Variants in KIAA1217 observed in about 807,000 individuals in gnomAD.
KIAA1217 encodes sickle tail protein homolog.
A neutral mutation model predicts 163.9 loss-of-function variants in KIAA1217; 88 were observed. The ratio of observed to expected loss-of-function variants is 0.54; its 90% CI spans 0.45 to 0.64. KIAA1217 has a LOEUF of 0.64. Ranked by LOEUF, KIAA1217 falls within the 30% of genes least tolerant of loss-of-function variation. The pLI is 0.00. For missense variants in KIAA1217, 2,372 were observed against 2,475.0 expected (o/e 0.96, Z 0.88); for synonymous variants, 903 against 923.1 (o/e 0.98, Z 0.39).
intron 5 of KIAA1217, among the ~76,000 whole-genome samples, chr10:24,440,604 A>AACC (rs1163687961): frequency 6.6e-6 from 1 of 152,210 alleles, no homozygotes; most frequent in Non-Finnish European, 1.5e-5. Flanking sequence ...GGATATGCAG[A>AACC]ACATGTGCTG....
intron 2 of KIAA1217, among the ~76,000 whole-genome samples, chr10:24,024,072 C>A (rs1589249129): frequency 6.6e-6 from 1 of 151,270 alleles, no homozygotes; most frequent in East Asian, 1.9e-4. Context: ...AAAAATCAAC[C>A]TCAATTTATT....
intron 1 of KIAA1217, among the ~76,000 whole-genome samples, chr10:23,934,591 GTA>G (rs1284125761): frequency 1.3e-3 from 36 of 27,980 alleles, no homozygotes; most frequent in African/African-American, 2.9e-3. Context: ...ATATATATAT[GTA>G]TATATATATA....
chr10:23,859,652 G>A (rs189310635), intron 1 of KIAA1217, among the ~76,000 whole-genome samples: 3 of 152,190 alleles, frequency 2.0e-5, no homozygotes, highest in East Asian at 1.9e-4. Flanking sequence ...TACGAACTTT[G>A]TTACTTTTGG....
At chr10:24,133,916 G>C (rs909684771) in intron 2 of KIAA1217, among the ~76,000 whole-genome samples, 1 of 152,200 alleles carries the variant, frequency 6.6e-6, no homozygotes, top group African/African-American at 2.4e-5. Flanking sequence ...GTTTTCATCA[G>C]AGGCAGGAGA....
At chr10:23,904,724 A>G (rs1564521586) in intron 1 of KIAA1217, among the ~76,000 whole-genome samples, 1 of 152,138 alleles carries the variant, frequency 6.6e-6, no homozygotes, top group Non-Finnish European at 1.5e-5. Context: ...CATAGGTACA[A>G]TCTTGTGGCC....
intron 6 of KIAA1217, among the ~76,000 whole-genome samples, chr10:24,486,899 C>T (rs1484729418): frequency 1.3e-5 from 2 of 152,056 alleles, no homozygotes; most frequent in African/African-American, 4.8e-5. Flanking sequence ...CTGTTTTGTT[C>T]ATGTCTATGT....
chr10:24,060,832 A>G (rs1413876728), intron 2 of KIAA1217, among the ~76,000 whole-genome samples: 1 of 152,174 alleles, frequency 6.6e-6, no homozygotes. Context: ...TTTAAAAAAA[A>G]CAAATATACT....
At position 23,868,493 on chromosome 10, in the gene KIAA1217, T is replaced by C. The variant is rs190450094; in HGVS notation, c.-320-138732T>C. Among the ~76,000 whole-genome samples, 4 of 152,260 alleles carry C rather than the reference T, an allele frequency of 2.6e-5. No homozygotes were observed. In the East Asian group the frequency reaches 5.8e-4, roughly 22 times the overall value. ...GCTCTTTGTATGGAGATGTTTTTTT[T>C]TGTCCATCTGTTACCAAATCATGAC... On this transcript the variant is annotated intron_variant, in intron 1 of 18. Coordinates refer to the KIAA1217 transcript ENST00000376462.
intron 2 of KIAA1217, among the ~76,000 whole-genome samples, chr10:24,131,846 C>T (rs373754510): frequency 2.6e-4 from 39 of 152,226 alleles, no homozygotes; most frequent in East Asian, 9.7e-4. Context: ...AAAAGTTCCT[C>T]GAAGAATTTC....
intron 1 of KIAA1217, among the ~76,000 whole-genome samples, chr10:23,780,975 C>A (rs994008089): frequency 5.9e-5 from 9 of 152,188 alleles, no homozygotes; most frequent in Admixed American, 5.2e-4. Flanking sequence ...GCCACCACAC[C>A]TGGACACCGG....
At chr10:24,082,205 T>A (rs1416434645) in intron 2 of KIAA1217, among the ~76,000 whole-genome samples, 1 of 152,176 alleles carries the variant, frequency 6.6e-6, no homozygotes, top group Non-Finnish European at 1.5e-5. Flanking sequence ...CAGCTGGGCC[T>A]TTGTTCTCAT....
rs538322132 is a variant in KIAA1217 at position 23,848,070 on chromosome 10, G to C, written c.-321+152836G>C. Among the ~76,000 whole-genome samples the C allele has an allele frequency of 1.9e-4, 29 of 152,174 alleles. 1 individual carries two copies. The East Asian group carries it at 5.2e-3, about 27-fold the overall frequency. ...CCTGAGTTCTAATTTGATTGCACTT[G>C]ATCTGAGAGACTGTTATGATTTCCA... On this transcript the variant is annotated intron_variant, in intron 1 of 18. Coordinates refer to the KIAA1217 transcript ENST00000376462.
chr10:24,488,208 A>C (rs1379598435), intron 6 of KIAA1217, among the ~76,000 whole-genome samples: 2 of 152,170 alleles, frequency 1.3e-5, no homozygotes, highest in South Asian at 4.1e-4. Flanking sequence ...AAAGATTTTG[A>C]GGCTGTATAG....
At chr10:24,280,156 A>G (rs2077744790) in intron 2 of KIAA1217, among the ~76,000 whole-genome samples, 1 of 152,210 alleles carries the variant, frequency 6.6e-6, no homozygotes. Context: ...GTGGAACCAT[A>G]GGATATTGGT....
chr10:24,034,587 G>A (rs1180389447), intron 2 of KIAA1217, among the ~76,000 whole-genome samples: 1 of 146,358 alleles, frequency 6.8e-6, no homozygotes, highest in African/African-American at 2.5e-5. Flanking sequence ...AAAAGTAGAA[G>A]TCAGACAAAG....
chr10:24,238,055 G>C (rs986256513), intron 2 of KIAA1217, among the ~76,000 whole-genome samples: 2 of 152,232 alleles, frequency 1.3e-5, no homozygotes, highest in Admixed American at 1.3e-4. Context: ...AGAGGTTAAT[G>C]TTTGCTCTCT....
intron 1 of KIAA1217, among the ~76,000 whole-genome samples, chr10:23,847,060 C>A (rs911634898): frequency 1.3e-5 from 2 of 152,096 alleles, no homozygotes; most frequent in African/African-American, 4.8e-5. Context: ...TATGTTGAAC[C>A]ACCCTTGCCT....
intron 1 of KIAA1217, among the ~76,000 whole-genome samples, chr10:23,868,093 C>A (rs961508253): frequency 3.3e-5 from 5 of 151,834 alleles, no homozygotes; most frequent in Admixed American, 6.6e-5. Context: ...CCCAGCAGGT[C>A]TACGGCCATA....
chr10:24,074,890 G>T (rs1377658145), intron 2 of KIAA1217, among the ~76,000 whole-genome samples: 1 of 151,676 alleles, frequency 6.6e-6, no homozygotes, highest in African/African-American at 2.4e-5. Flanking sequence ...GTAAAGATGG[G>T]GTTTTGCCAT....
Sources: gnomAD v4.1 joint callset for allele counts (sites outside exome capture counted in the v4.1 genomes callset) on GRCh38, gnomAD v4.1.1 for gene constraint, MANE v1.5 for transcripts, NCBI Gene and HGNC (gene_info 2026-07-23, HGNC 2026-07-21) for gene names.